Variants in STARD10 observed in about 807,000 individuals in gnomAD.
STARD10 encodes START domain-containing protein 10.
Under a neutral mutation model 36.0 loss-of-function variants are expected in STARD10, and 24 were observed. That is an observed-to-expected ratio of 0.67 (90% CI 0.48 to 0.94). The LOEUF is 0.94. Among genes scored for constraint, STARD10 ranks in the 40% least tolerant of loss-of-function variants. STARD10 has a pLI of 0.00. For missense variants in STARD10, 335 were observed against 396.6 expected, an observed-to-expected ratio of 0.84 and a Z score of 1.32; for synonymous variants, 156 against 161.9, an observed-to-expected ratio of 0.96 and a Z score of 0.28.
In STARD10 at chr11:72,781,852, G is replaced by A. The variant is rs1234650078; in HGVS notation, c.-113-558C>T. 37 of 150,722 alleles carry A rather than the reference G, an allele frequency of 2.5e-4. No homozygotes were observed. The highest frequency in any genetic ancestry group is 4.5e-4 in the Non-Finnish European group (30 of 67,270). The allele number at this position is 150,722 out of a possible 1,614,324, so 9.3% of individuals were successfully genotyped here. ...AGGCTGGGGGCTCGGGGGCTCGGGGGCTCGGCGGCCGCGGCTCGGGATTTT... is the reference window on the plus strand; with the variant it reads ...AGGCTGGGGGCTCGGGGGCTCGGGGACTCGGCGGCCGCGGCTCGGGATTTT... On this transcript the variant is annotated intron_variant, in intron 1 of 6. Coordinates refer to ENST00000334805, the MANE Select transcript of STARD10 (RefSeq NM_006645.3). This position sits in a 1 kb window ranked among gnomAD's most constrained non-coding sequence, Gnocchi z 4.7.
At chr11:72,782,046 T>C (rs902654124) in intron 1 of STARD10, among the ~76,000 whole-genome samples, 2 of 152,082 alleles carry the variant, frequency 1.3e-5, no homozygotes, top group African/African-American at 2.4e-5. Flanking sequence ...GAGTGGGCTC[T>C]GCGAGGAAGG....
intron 5 of STARD10, 123 bp downstream of exon 5, chr11:72,757,644 G>T: frequency 1.2e-6 from 1 of 838,328 alleles, no homozygotes; most frequent in Non-Finnish European, 1.9e-6. Context: ...GGCTTTGGAT[G>T]GAAATGCCCC....
intron 1 of STARD10, among the ~76,000 whole-genome samples, chr11:72,785,054 A>C (rs1019147703): frequency 6.6e-6 from 1 of 152,150 alleles, no homozygotes; most frequent in African/African-American, 2.4e-5. Context: ...ACTTGGAAAG[A>C]GTCACACCAG....
intron 2 of STARD10, among the ~76,000 whole-genome samples, chr11:72,779,282 C>G (rs1396438796): frequency 1.3e-5 from 2 of 152,204 alleles, no homozygotes; most frequent in African/African-American, 2.4e-5. Flanking sequence ...CTTTCCTCCC[C>G]CCTCTCTTCC....
intron 2 of STARD10, among the ~76,000 whole-genome samples, chr11:72,775,896 C>G (rs974977401): frequency 5.9e-5 from 9 of 152,176 alleles, no homozygotes; most frequent in African/African-American, 2.2e-4. Flanking sequence ...ACTCTGGATC[C>G]TGGTGTTCTT....
intron 2 of STARD10, among the ~76,000 whole-genome samples, chr11:72,778,471 G>T (rs990382310): frequency 6.6e-6 from 1 of 152,198 alleles, no homozygotes; most frequent in Non-Finnish European, 1.5e-5. Flanking sequence ...AAGCTCACAG[G>T]CCTCTGTCCA....
intron 6 of STARD10, 154 bp downstream of exon 6, chr11:72,755,547 G>C: frequency 1.2e-6 from 1 of 843,560 alleles, no homozygotes; most frequent in Non-Finnish European, 2.0e-6. Flanking sequence ...CCGACCTCAG[G>C]TAATCCACCT....
At chr11:72,769,417 A>G (rs1231007730) in intron 2 of STARD10, among the ~76,000 whole-genome samples, 1 of 152,360 alleles carries the variant, frequency 6.6e-6, no homozygotes, top group African/African-American at 2.4e-5. Context: ...TGATTTAAAA[A>G]GAAATTTCTC....
At chr11:72,790,481 A>G (rs1340513339) in intron 1 of STARD10, 1 of 152,288 alleles carries the variant, frequency 6.6e-6, no homozygotes, top group East Asian at 1.9e-4. Context: ...ACTACTAACA[A>G]GGTGGGCCGG....
chr11:72,786,204 T>C (rs994138571), intron 1 of STARD10, among the ~76,000 whole-genome samples: 2 of 152,002 alleles, frequency 1.3e-5, no homozygotes, highest in African/African-American at 2.4e-5. Context: ...ATTTAAAAAT[T>C]AGCTGGGCGT....
chr11:72,776,067 G>A (rs1264735428), intron 2 of STARD10, among the ~76,000 whole-genome samples: 1 of 152,204 alleles, frequency 6.6e-6, no homozygotes, highest in East Asian at 1.9e-4. Flanking sequence ...CCCAAGGACA[G>A]CTCTGGAACT....
chr11:72,757,913 A>T, intron 4 of STARD10, 29 bp from the exon 5 acceptor site: 1 of 1,599,580 alleles, frequency 6.3e-7, no homozygotes, highest in Non-Finnish European at 8.6e-7. Flanking sequence ...GGGAGGTGAG[A>T]CTCGGGGTGG....
intron 2 of STARD10, among the ~76,000 whole-genome samples, chr11:72,760,715 C>T (rs994031806): frequency 2.0e-5 from 3 of 152,148 alleles, no homozygotes; most frequent in Non-Finnish European, 2.9e-5. Flanking sequence ...AGTAGCAGAG[C>T]CAGGATTTAA....
At chr11:72,763,622 A>C (rs1858749454) in intron 2 of STARD10, among the ~76,000 whole-genome samples, 1 of 152,206 alleles carries the variant, frequency 6.6e-6, no homozygotes, top group South Asian at 2.1e-4. Flanking sequence ...AAGTGTCAGG[A>C]TCATGACAGT....
chr11:72,772,066 G>A (rs1247365142), intron 2 of STARD10, among the ~76,000 whole-genome samples: 1 of 152,224 alleles, frequency 6.6e-6, no homozygotes, highest in Non-Finnish European at 1.5e-5. Flanking sequence ...CCACACCCTG[G>A]GCAGCCCACG....
At position 72,765,482 on chromosome 11, in the gene STARD10, C is replaced by T. The variant is rs898743660; in HGVS notation, c.208-6101G>A. ...ATCAGAAGGGACTGAACAAGCAAGG[C>T]GCAGGAAAGACCCACACAGGCTTTG... On this transcript the variant is annotated intron_variant, in intron 2 of 6. Coordinates refer to ENST00000334805, the MANE Select transcript of STARD10 (RefSeq NM_006645.3). Among the ~76,000 whole-genome samples the T allele has an allele frequency of 2.6e-5, 4 of 152,146 alleles. No individual in the cohort carries two copies. In the East Asian group the frequency reaches 5.8e-4, roughly 22 times the overall value.
chr11:72,762,177 C>T (rs867204908), intron 2 of STARD10, among the ~76,000 whole-genome samples: 11 of 151,830 alleles, frequency 7.2e-5, no homozygotes, highest in African/African-American at 9.7e-5. Context: ...CCTCCCGCCT[C>T]GGCCTCCCAA....
intron 1 of STARD10, among the ~76,000 whole-genome samples, chr11:72,784,649 G>T (rs1205864242): frequency 6.6e-6 from 1 of 152,184 alleles, no homozygotes; most frequent in African/African-American, 2.4e-5. Flanking sequence ...CATGACCCCT[G>T]CTCTGCCCAC....
intron 2 of STARD10, 60 bp downstream of exon 2, chr11:72,780,915 A>G: frequency 6.5e-7 from 1 of 1,542,578 alleles, no homozygotes; most frequent in Non-Finnish European, 9.0e-7. Context: ...GGACCAGGAG[A>G]CTCCGGGAGA....
Sources: allele counts gnomAD v4.1 joint callset (sites outside exome capture counted in the v4.1 genomes callset), GRCh38; gene constraint gnomAD v4.1.1; non-coding constraint Gnocchi (gnomAD v3.1); transcripts MANE v1.5; gene names NCBI Gene and HGNC (gene_info 2026-07-23, HGNC 2026-07-21).